The following B4GALNT2 variants were observed in gnomAD, a reference collection of about 807,000 sequenced individuals.
B4GALNT2 encodes the protein N-acetylneuraminylgalactosylglucosyl-glucoside beta-1,4-N- acetylgalactosaminyltransferase 2.
In B4GALNT2, 42 loss-of-function variants were observed where a neutral mutation model predicts 51.1. The observed-to-expected ratio is 0.82, with a 90% CI of 0.64 to 1.06. B4GALNT2 has a LOEUF of 1.06. B4GALNT2 is among the 50% of genes least tolerant of loss of function. B4GALNT2 has a pLI of 0.00. For synonymous variants in B4GALNT2, 253 were observed against 251.7 expected (o/e 1.01, Z -0.05); for missense variants, 602 against 633.6 (o/e 0.95, Z 0.54).
chr17:49,133,169 T>A, intron 1 of B4GALNT2: 1 of 1,518,382 alleles, frequency 6.6e-7, no homozygotes, highest in Non-Finnish European at 8.8e-7. Context: ...TCAGAGGCGC[T>A]GACCCAGCCT....
intron 6 of B4GALNT2, 81 bp from the exon 7 acceptor site, chr17:49,160,474 G>T (rs2042852975): frequency 7.5e-7 from 1 of 1,339,180 alleles, no homozygotes; most frequent in South Asian, 1.2e-5. Context: ...GTACTCGCCT[G>T]TCATGGTGGC....
the B4GALNT2 span, among the ~76,000 whole-genome samples, chr17:49,120,503 TGTG>T: frequency 6.6e-6 from 1 of 151,636 alleles, no homozygotes; most frequent in East Asian, 1.9e-4. Context: ...TGTGTGTGTG[TGTG>T]TGTGTGTGTG....
chr17:49,153,871 A>G (rs4793609), intron 4 of B4GALNT2, among the ~76,000 whole-genome samples: 152,131 of 152,202 alleles, frequency 1, 76,030 homozygotes, highest in Middle Eastern at 1. Context: ...TTTAGTAGCC[A>G]TGACCTCCTG....
Position 49,141,375 on chromosome 17 carries a change from C to T in B4GALNT2, c.143C>T (p.Ala48Val), listed in dbSNP as rs34044460. 7.7e-4 allele frequency: 1,239 copies of T among 1,614,114 alleles called. 14 individuals carry two copies. The African/African-American group carries it at 0.014, about 19-fold the overall frequency. Reference sequence around the variant, plus strand: ...CCCAAGCCAGAACTCCCAAGTCCTGCCCCGGGTGTCCAGAAGCTGAAGCTT... The same window carrying T: ...CCCAAGCCAGAACTCCCAAGTCCTGTCCCGGGTGTCCAGAAGCTGAAGCTT... The part of the protein sequence containing the change: ...SSPKPELPSP[A>V]PGVQKLKLLP... Residue 48 changes from alanine to valine, a missense_variant, in exon 2 of 11, where the codon GCC becomes GTC. Transcript: ENST00000393354.
At chr17:49,156,631 C>T in intron 5 of B4GALNT2, 28 bp downstream of exon 5, 2 of 1,611,428 alleles carry the variant, frequency 1.2e-6, no homozygotes, top group Non-Finnish European at 1.7e-6. Context: ...CCCCTCTTTG[C>T]ACTTGGTGTC....
the B4GALNT2 span, among the ~76,000 whole-genome samples, chr17:49,126,496 T>TAAAAAA: frequency 7.6e-5 from 9 of 118,534 alleles, no homozygotes; most frequent in Admixed American, 1.8e-4. Flanking sequence ...GAATGATCAA[T>TAAAAAA]AAAAAAAAAA....
rs1305695291 is a variant in B4GALNT2 at position 49,155,630 on chromosome 17, G to T, written c.461-936G>T. Among the ~76,000 whole-genome samples the T allele has an allele frequency of 2.0e-5, 3 of 148,000 alleles. No individual in the cohort carries two copies. The East Asian group carries it at 5.8e-4, about 29-fold the overall frequency. Reference sequence around the variant, plus strand: ...AAAAAATGTATATATATAAAATATAGAAACATATATATTATATTAATGTTA... The same window carrying T: ...AAAAAATGTATATATATAAAATATATAAACATATATATTATATTAATGTTA... On this transcript the variant is annotated intron_variant, in intron 4 of 10. Coordinates refer to ENST00000393354, the MANE Select transcript of B4GALNT2 (RefSeq NM_001159387.2).
In B4GALNT2 at chr17:49,141,286, C is replaced by T. The variant is rs775868056; in HGVS notation, c.54C>T (p.Ile18=). ...GGCTCCTCAAGATATTGGTCATAAT[C>T]CTGGTACTTGGCATTGTTGGATTTA... ...FLWLLKILVI[I]LVLGIVGFMF... is the part of the protein sequence containing the mutation. The change falls in exon 2 of 11, where the codon ATC becomes ATT. Residue 18 remains isoleucine, a synonymous_variant. Coordinates refer to ENST00000393354, the MANE Select transcript of B4GALNT2 (RefSeq NM_001159387.2). The T allele has an allele frequency of 1.9e-6, 3 of 1,614,080 alleles. No homozygotes were observed. The highest frequency in any genetic ancestry group is 2.5e-6 in the Non-Finnish European group (3 of 1,179,996).
intron 4 of B4GALNT2, among the ~76,000 whole-genome samples, chr17:49,153,798 G>A (rs568126115): frequency 9.2e-5 from 14 of 151,982 alleles, no homozygotes; most frequent in East Asian, 5.8e-4. Flanking sequence ...ATGAGCCACC[G>A]CGCCTGGCTT....
chr17:49,136,064 C>G (rs924297616), intron 1 of B4GALNT2, among the ~76,000 whole-genome samples: 6 of 141,948 alleles, frequency 4.2e-5, no homozygotes, highest in Non-Finnish European at 9.0e-5. Flanking sequence ...GCCTGGGCAA[C>G]AGAGCGAGAC....
In B4GALNT2 at chr17:49,172,146, T is replaced by G; in HGVS notation, c.*2418T>G. 1 of 299,098 alleles carries G rather than the reference T, an allele frequency of 3.3e-6. No homozygotes were observed. The highest frequency in any genetic ancestry group is 2.2e-5 in the African/African-American group (1 of 45,260). 18.5% of individuals were successfully genotyped at this position (299,098 alleles called of 1,614,324 possible). A position where few individuals can be genotyped will look rare whatever the true frequency, so the allele number is the denominator to read the frequency against. On this transcript the variant is annotated 3_prime_UTR_variant, in exon 11 of 11. Transcript: ENST00000393354. ...TCTTCCACCATCTGTGACAGCTTCT[T>G]GATCTGTCCCCAGGTAGGTGGCTGT...
intron 3 of B4GALNT2, among the ~76,000 whole-genome samples, chr17:49,151,879 G>T (rs564985744): frequency 6.6e-6 from 1 of 152,162 alleles, no homozygotes; most frequent in African/African-American, 2.4e-5. Context: ...TTATTTCAGC[G>T]GTAGGAGAAG....
chr17:49,125,210 A>C, the B4GALNT2 span, among the ~76,000 whole-genome samples: 2 of 152,066 alleles, frequency 1.3e-5, no homozygotes, highest in African/African-American at 4.8e-5. Flanking sequence ...CCTAGGCTGG[A>C]GTGCAATGGT....
At chr17:49,138,120 T>C (rs2042606527) in intron 1 of B4GALNT2, among the ~76,000 whole-genome samples, 1 of 152,176 alleles carries the variant, frequency 6.6e-6, no homozygotes, top group Non-Finnish European at 1.5e-5. Context: ...AATATACAAG[T>C]ATTGGGCAGG....
At chr17:49,128,703 C>T (rs10853107), upstream of B4GALNT2, among the ~76,000 whole-genome samples, 77,114 of 151,944 alleles carry the variant, frequency 0.51, 19,965 homozygotes, top group Middle Eastern at 0.62. Context: ...GAAATTTTAA[C>T]TTGCCATTAT....
In B4GALNT2 at chr17:49,136,518, GTTTATTTATTTATTTA is replaced by G. The variant is rs141696525; in HGVS notation, c.14+3740_14+3755del. The stretch of plus-strand genomic sequence containing the variant: ...TAGATGTTTAAGCTCTCACATTAGA[GTTTATTTATTTATTTA>G]TTTATTTATTTATTTATTTATTTAT... On this transcript the variant is annotated intron_variant, in intron 1 of 10. Coordinates refer to ENST00000393354, the MANE Select transcript of B4GALNT2 (RefSeq NM_001159387.2). Among the ~76,000 whole-genome samples the G allele has an allele frequency of 5.5e-4, 82 of 148,424 alleles. 2 individuals carry two copies. Among genetic ancestry groups the G allele is most frequent in the African/African-American group, 1.6e-3 (65 of 40,314 alleles).
At chr17:49,143,121 C>T (rs542780028) in intron 3 of B4GALNT2, among the ~76,000 whole-genome samples, 2 of 151,908 alleles carry the variant, frequency 1.3e-5, no homozygotes, top group Non-Finnish European at 2.9e-5. Flanking sequence ...TGGTGACGCA[C>T]GCTTGTAATC....
chr17:49,122,272 T>G, the B4GALNT2 span, among the ~76,000 whole-genome samples: 7 of 152,226 alleles, frequency 4.6e-5, no homozygotes, highest in Admixed American at 6.5e-5. Flanking sequence ...TGGTGGTGCT[T>G]GTCCAAGATG....
At chr17:49,129,713 G>C (rs78050610), upstream of B4GALNT2, among the ~76,000 whole-genome samples, 2 of 75,080 alleles carry the variant, frequency 2.7e-5, no homozygotes, top group African/African-American at 4.9e-5. Flanking sequence ...TTTCTGTGTG[G>C]GGGGGGAAGT....
Sources: gnomAD v4.1 joint callset for allele counts (sites outside exome capture counted in the v4.1 genomes callset) on GRCh38, gnomAD v4.1.1 for gene constraint, MANE v1.5 for transcripts, NCBI Gene and HGNC (gene_info 2026-07-23, HGNC 2026-07-21) for gene names.